The following LRP1B variants were observed in gnomAD, a reference collection of about 807,000 sequenced individuals.
The protein encoded by LRP1B is LDL receptor related protein 1B.
LRP1B carries 217 observed loss-of-function variants against 556.6 expected under a neutral mutation model. The ratio of observed to expected loss-of-function variants is 0.39; its 90% confidence interval spans 0.35 to 0.44. LRP1B has a LOEUF of 0.44. Ranked by LOEUF, LRP1B falls within the 20% of genes least tolerant of loss-of-function variation. The pLI is 1.00. For missense variants in LRP1B, 5,053 were observed against 5,620.8 expected (o/e 0.90, Z 3.23); for synonymous variants, 2,047 against 1,865.8 (o/e 1.10, Z -2.50).
chr2:141,757,505 T>C lies in LRP1B; in HGVS notation c.205+52774A>G, dbSNP rs950330513. The stretch of plus-strand genomic sequence containing the variant: ...TGATGATAATAAATAAAATTTAAGA[T>C]CCATAAGTGCATAAGCTTTTGTGCA... On this transcript the variant is annotated intron_variant, in intron 2 of 90. Coordinates refer to ENST00000389484, the MANE Select transcript of LRP1B (RefSeq NM_018557.3). 7.9e-5 allele frequency among the ~76,000 whole-genome samples: 12 copies of C among 152,242 alleles called. No homozygotes were observed. In the Middle Eastern group the frequency reaches 0.01, roughly 129 times the overall value.
At chr2:141,106,190 C>G (rs1368725326) in intron 7 of LRP1B, among the ~76,000 whole-genome samples, 1 of 152,132 alleles carries the variant, frequency 6.6e-6, no homozygotes, top group Admixed American at 6.5e-5. Flanking sequence ...GCCTTATCTT[C>G]TAACCAATTT....
At chr2:141,490,557 G>C (rs1452083155) in intron 2 of LRP1B, among the ~76,000 whole-genome samples, 1 of 152,052 alleles carries the variant, frequency 6.6e-6, no homozygotes, top group African/African-American at 2.4e-5. Flanking sequence ...AAAATATTGT[G>C]TGGACATAGC....
intron 3 of LRP1B, among the ~76,000 whole-genome samples, chr2:141,276,743 G>A (rs1410949853): frequency 2.1e-5 from 3 of 145,992 alleles, no homozygotes; most frequent in African/African-American, 5.1e-5. Flanking sequence ...TGCAAGCTCC[G>A]CCTCCCCGGT....
At chr2:140,261,567 G>A (rs1681939608) in intron 86 of LRP1B, among the ~76,000 whole-genome samples, 1 of 151,668 alleles carries the variant, frequency 6.6e-6, no homozygotes, top group Admixed American at 6.6e-5. Flanking sequence ...TTAATAATTA[G>A]GTTGAATAAC....
intron 1 of LRP1B, among the ~76,000 whole-genome samples, chr2:142,118,039 C>T (rs1265330112): frequency 1.3e-5 from 2 of 152,166 alleles, no homozygotes; most frequent in Non-Finnish European, 2.9e-5. Context: ...AACCCTATTT[C>T]TCTCTGTGAA....
intron 2 of LRP1B, among the ~76,000 whole-genome samples, chr2:141,571,314 C>A (rs1686520486): frequency 6.6e-6 from 1 of 150,878 alleles, no homozygotes; most frequent in African/African-American, 2.4e-5. Flanking sequence ...AGCAGCCCTA[C>A]AGAAGAGGAG....
intron 41 of LRP1B, among the ~76,000 whole-genome samples, chr2:140,669,081 T>C (rs1194683686): frequency 6.6e-6 from 1 of 152,160 alleles, no homozygotes; most frequent in African/African-American, 2.4e-5. Flanking sequence ...CACTGTATCG[T>C]TGAGAGAAGA....
chr2:140,304,782 G>C (rs1382158865), intron 83 of LRP1B, among the ~76,000 whole-genome samples: 1 of 152,102 alleles, frequency 6.6e-6, no homozygotes, highest in African/African-American at 2.4e-5. Flanking sequence ...GGTTTTTATG[G>C]TTTTAGGTCT....
At chr2:140,644,090 C>A (rs1684394543) in intron 41 of LRP1B, among the ~76,000 whole-genome samples, 1 of 152,144 alleles carries the variant, frequency 6.6e-6, no homozygotes, top group Admixed American at 6.5e-5. Context: ...CCTCTGCGTG[C>A]TGATTCCCCA....
chr2:140,615,012 C>A (rs2105235164), intron 41 of LRP1B, among the ~76,000 whole-genome samples: 1 of 152,266 alleles, frequency 6.6e-6, no homozygotes, highest in Admixed American at 6.5e-5. Context: ...ACAGCCCCTT[C>A]CTGAAACTAA....
intron 1 of LRP1B, among the ~76,000 whole-genome samples, chr2:141,905,660 G>A (rs1223827420): frequency 3.3e-5 from 5 of 151,562 alleles, no homozygotes; most frequent in African/African-American, 1.2e-4. Context: ...GGGGAACCAT[G>A]GTCAGCATGG....
chr2:140,929,439 T>C (rs557929738), intron 20 of LRP1B, among the ~76,000 whole-genome samples: 3 of 152,058 alleles, frequency 2.0e-5, no homozygotes, highest in Non-Finnish European at 4.4e-5. Flanking sequence ...GCAGTATTAA[T>C]AAAATTTTGT....
Position 140,577,606 on chromosome 2 carries a change from A to G in LRP1B, c.7194+21025T>C, listed in dbSNP as rs544803477. Among the ~76,000 whole-genome samples the G allele has an allele frequency of 5.9e-5, 9 of 151,948 alleles. No individual in the cohort carries two copies. The East Asian group carries it at 1.8e-3, about 30-fold the overall frequency. The stretch of plus-strand genomic sequence containing the variant: ...AATTTTATTTTTTTCAGTTTTGCAG[A>G]AACAGAGTCTCACTATTTTACTCAG... On this transcript the variant is annotated intron_variant, in intron 43 of 90. Transcript: ENST00000389484.
At chr2:140,948,912 A>G (rs1250984688) in intron 20 of LRP1B, among the ~76,000 whole-genome samples, 1 of 152,238 alleles carries the variant, frequency 6.6e-6, no homozygotes, top group Non-Finnish European at 1.5e-5. Context: ...TATTGTAGAT[A>G]ATTTAATAAC....
At chr2:140,835,772 C>A (rs941092713) in intron 31 of LRP1B, among the ~76,000 whole-genome samples, 3 of 152,296 alleles carry the variant, frequency 2.0e-5, no homozygotes, top group African/African-American at 4.8e-5. Flanking sequence ...CTCCTGACCC[C>A]AGGTGATCCA....
intron 43 of LRP1B, among the ~76,000 whole-genome samples, chr2:140,578,565 C>T (rs911714664): frequency 3.3e-5 from 5 of 152,130 alleles, no homozygotes; most frequent in Admixed American, 6.5e-5. Flanking sequence ...CCCAAAATAC[C>T]CAACTGGCAG....
intron 32 of LRP1B, among the ~76,000 whole-genome samples, chr2:140,791,679 A>G (rs1690125849): frequency 6.6e-6 from 1 of 152,190 alleles, no homozygotes; most frequent in Non-Finnish European, 1.5e-5. Context: ...AGAAGGAGCC[A>G]TAATAGACAA....
At chr2:141,906,668 T>C (rs1699769075) in intron 1 of LRP1B, among the ~76,000 whole-genome samples, 2 of 152,000 alleles carry the variant, frequency 1.3e-5, no homozygotes, top group South Asian at 4.1e-4. Context: ...CAGCAAAGCA[T>C]TATAATAAAA....
chr2:141,107,993 T>G (rs1361699555), intron 7 of LRP1B, among the ~76,000 whole-genome samples: 2 of 152,140 alleles, frequency 1.3e-5, no homozygotes, highest in African/African-American at 4.8e-5. Flanking sequence ...GCTTGAAAAG[T>G]GACAAATGTT....
Sources: allele counts gnomAD v4.1 joint callset (sites outside exome capture counted in the v4.1 genomes callset), GRCh38; gene constraint gnomAD v4.1.1; transcripts MANE v1.5; gene names NCBI Gene and HGNC (gene_info 2026-07-23, HGNC 2026-07-21).